ZFPM2: variants seen among roughly 807,000 people sequenced by gnomAD.
ZFPM2 encodes the protein zinc finger protein ZFPM2.
A neutral mutation model predicts 98.6 loss-of-function variants in ZFPM2; 20 were observed. That is an observed-to-expected ratio of 0.20 (90% CI 0.14 to 0.29). ZFPM2 has a LOEUF of 0.29. Among genes scored for constraint, ZFPM2 ranks in the 10% least tolerant of loss-of-function variants. The probability of loss-of-function intolerance (pLI) is 1.00; values close to 1 mark genes in which losing one functional copy is unlikely to be tolerated. For missense variants in ZFPM2, 1,310 were observed against 1,388.6 expected (o/e 0.94, Z 0.90); for synonymous variants, 518 against 502.7 (o/e 1.03, Z -0.41).
intron 1 of ZFPM2, among the ~76,000 whole-genome samples, chr8:105,325,846 T>C (rs1373109859): frequency 6.6e-6 from 1 of 151,860 alleles, no homozygotes; most frequent in Non-Finnish European, 1.5e-5. Flanking sequence ...TAGTAATTTG[T>C]GCTTTTGACA....
intron 1 of ZFPM2, among the ~76,000 whole-genome samples, chr8:105,418,037 G>A (rs1811712357): frequency 6.6e-6 from 1 of 152,088 alleles, no homozygotes; most frequent in South Asian, 2.1e-4. Flanking sequence ...CACTAGATAC[G>A]ATACTTATTC....
chr8:105,495,702 G>A (rs1813452799), intron 3 of ZFPM2, among the ~76,000 whole-genome samples: 1 of 151,960 alleles, frequency 6.6e-6, no homozygotes, highest in African/African-American at 2.4e-5. Flanking sequence ...CTTTTTGTCA[G>A]TTAACATTTC....
intron 1 of ZFPM2, among the ~76,000 whole-genome samples, chr8:105,396,482 G>A (rs543050939): frequency 2.2e-4 from 33 of 152,220 alleles, no homozygotes; most frequent in Admixed American, 5.9e-4. Flanking sequence ...TGTTCATGTT[G>A]TGTTTGTGGC....
chr8:105,691,836 G>C (rs942341106), intron 5 of ZFPM2, among the ~76,000 whole-genome samples: 1 of 152,128 alleles, frequency 6.6e-6, no homozygotes, highest in Admixed American at 6.5e-5. Flanking sequence ...GAAAAACTAT[G>C]CGCTCCTTTA....
At chr8:105,323,900 G>C (rs1471652592) in intron 1 of ZFPM2, among the ~76,000 whole-genome samples, 1 of 151,760 alleles carries the variant, frequency 6.6e-6, no homozygotes, top group Non-Finnish European at 1.5e-5. Flanking sequence ...TCCACTTCTG[G>C]TAACTTTCAA....
At chr8:105,403,057 A>G (rs1056836312) in intron 1 of ZFPM2, among the ~76,000 whole-genome samples, 6 of 152,014 alleles carry the variant, frequency 3.9e-5, no homozygotes, top group African/African-American at 1.4e-4. Context: ...TTGAGTTTAG[A>G]AAGGTAGACT....
chr8:105,415,239 A>G (rs1811658098), intron 1 of ZFPM2, among the ~76,000 whole-genome samples: 1 of 152,146 alleles, frequency 6.6e-6, no homozygotes, highest in South Asian at 2.1e-4. Context: ...GAACAGTGTT[A>G]TGGGCCTAAC....
At chr8:105,786,403 A>G (rs972375547) in intron 5 of ZFPM2, among the ~76,000 whole-genome samples, 1 of 152,234 alleles carries the variant, frequency 6.6e-6, no homozygotes, top group Non-Finnish European at 1.5e-5. Flanking sequence ...ATGTGAAGCC[A>G]TAGCGCCCAG....
chr8:105,635,620 A>G (rs1401557667), intron 5 of ZFPM2, among the ~76,000 whole-genome samples: 1 of 152,252 alleles, frequency 6.6e-6, no homozygotes, highest in Admixed American at 6.5e-5. Flanking sequence ...ATATGCCAAT[A>G]TAATCTATCA....
At chr8:105,744,413 C>T (rs2131039352) in intron 5 of ZFPM2, among the ~76,000 whole-genome samples, 1 of 152,190 alleles carries the variant, frequency 6.6e-6, no homozygotes, top group East Asian at 1.9e-4. Flanking sequence ...GCATTGAGCC[C>T]ATTGGTGTTG....
At chr8:105,634,403 T>TGA (rs1816809584) in intron 5 of ZFPM2, 46 bp downstream of exon 5, 4 of 1,454,640 alleles carry the variant, frequency 2.7e-6, no homozygotes, top group Non-Finnish European at 3.8e-6. Context: ...TATTAAAACC[T>TGA]GAGCATTGCA....
intron 5 of ZFPM2, among the ~76,000 whole-genome samples, chr8:105,714,282 A>G (rs1191671261): frequency 6.6e-6 from 1 of 152,022 alleles, no homozygotes; most frequent in Non-Finnish European, 1.5e-5. Context: ...TCATTGGCTT[A>G]CAGAAATGCT....
intron 4 of ZFPM2, among the ~76,000 whole-genome samples, chr8:105,585,178 G>A (rs1792695074): frequency 6.6e-6 from 1 of 152,138 alleles, no homozygotes; most frequent in African/African-American, 2.4e-5. Flanking sequence ...AAAGACCTTA[G>A]TGTTCCCTTT....
At chr8:105,381,369 C>T (rs550942335) in intron 1 of ZFPM2, among the ~76,000 whole-genome samples, 4 of 151,910 alleles carry the variant, frequency 2.6e-5, no homozygotes, top group East Asian at 1.9e-4. Context: ...ACAGCTTTAA[C>T]GTCACTTCAT....
At chr8:105,605,119 A>C (rs1461835473) in intron 4 of ZFPM2, among the ~76,000 whole-genome samples, 1 of 152,094 alleles carries the variant, frequency 6.6e-6, no homozygotes, top group African/African-American at 2.4e-5. Context: ...CACTTTGTTT[A>C]AAAACATTAA....
intron 1 of ZFPM2, among the ~76,000 whole-genome samples, chr8:105,348,262 A>G (rs905976863): frequency 2.0e-5 from 3 of 152,196 alleles, no homozygotes; most frequent in African/African-American, 7.2e-5. Context: ...CATGCTTTGC[A>G]TTTGCAGGTA....
intron 3 of ZFPM2, among the ~76,000 whole-genome samples, chr8:105,554,711 C>T: frequency 6.6e-6 from 1 of 152,230 alleles, no homozygotes; most frequent in Middle Eastern, 3.4e-3. Context: ...TTACTTGCAG[C>T]TATGTCCTAT....
At chr8:105,440,700 G>A (rs570852699) in intron 2 of ZFPM2, among the ~76,000 whole-genome samples, 14 of 152,118 alleles carry the variant, frequency 9.2e-5, no homozygotes, top group African/African-American at 3.1e-4. Context: ...GAGCAGGAGG[G>A]CACCATAGAA....
chr8:105,323,069 A>G (rs1812057646), intron 1 of ZFPM2, among the ~76,000 whole-genome samples: 1 of 151,792 alleles, frequency 6.6e-6, no homozygotes. Context: ...GATCATTTCT[A>G]TAACCTTAAA....
Sources: gnomAD v4.1 joint callset for allele counts (sites outside exome capture counted in the v4.1 genomes callset) on GRCh38, gnomAD v4.1.1 for gene constraint, MANE v1.5 for transcripts, NCBI Gene and HGNC (gene_info 2026-07-23, HGNC 2026-07-21) for gene names.